Variants in TMC4 observed in about 807,000 individuals in gnomAD.
TMC4 encodes the protein transmembrane channel like 4.
Under a neutral mutation model 82.0 loss-of-function variants are expected in TMC4, and 70 were observed. The observed-to-expected ratio is 0.85, with a 90% CI of 0.70 to 1.04. TMC4 has a LOEUF of 1.04. TMC4 is among the 50% of genes least tolerant of loss of function. The pLI, the probability that TMC4 is intolerant of heterozygous loss-of-function variation, is 0.00. For missense variants in TMC4, 879 were observed against 899.0 expected, an observed-to-expected ratio of 0.98 and a Z score of 0.28; for synonymous variants, 446 against 406.0, an observed-to-expected ratio of 1.10 and a Z score of -1.18.
intron 9 of TMC4, 63 bp from the exon 10 acceptor site, chr19:54,162,833 C>A: frequency 6.5e-7 from 1 of 1,536,136 alleles, no homozygotes; most frequent in Non-Finnish European, 9.0e-7. Context: ...GCCCACGCGT[C>A]CGAGTCTCCA....
chr19:54,172,626 C>T, intron 1 of TMC4: 1 of 285,616 alleles, frequency 3.5e-6, no homozygotes, highest in Non-Finnish European at 6.4e-6. Flanking sequence ...CTCCCTCAGG[C>T]CCAGGAGTCC....
chr19:54,168,433 G>A lies in TMC4; in HGVS notation c.675+15C>T. 2.0e-6 allele frequency: 3 copies of A among 1,533,694 alleles called. No individual in the cohort carries two copies. Among genetic ancestry groups the A allele is most frequent in the Non-Finnish European group, 2.6e-6 (3 of 1,138,234 alleles). ...ACAGGTGGGCGGGGAATCCCCCAGG[G>A]ACCCAGGCACCTACCTCACCCGAGA... On this transcript the variant is annotated intron_variant, in intron 4 of 14. Transcript: ENST00000619895.
In TMC4 at chr19:54,163,166, G is replaced by A; in HGVS notation, c.1278-7C>T. 3 of 1,613,692 alleles carry A rather than the reference G, an allele frequency of 1.9e-6. No individual in the cohort carries two copies. Among genetic ancestry groups the A allele is most frequent in the East Asian group, 2.2e-5 (1 of 44,820 alleles). Reference sequence around the variant, plus strand: ...GAGGCGAAGAAACACGGTCCTGAAGGGGGGAAGGCAGAGAATGGGCCCTGA... The same window carrying A: ...GAGGCGAAGAAACACGGTCCTGAAGAGGGGAAGGCAGAGAATGGGCCCTGA... On this transcript the variant is annotated splice_region_variant and splice_polypyrimidine_tract_variant and intron_variant, in intron 8 of 14. Transcript: ENST00000619895.
At chr19:54,172,105 G>T in intron 1 of TMC4, 22 bp from the exon 2 acceptor site, 1 of 1,514,808 alleles carries the variant, frequency 6.6e-7, no homozygotes, top group Non-Finnish European at 8.9e-7. Flanking sequence ...CAGGGGGCTG[G>T]GAAGACCCGG....
intron 7 of TMC4, 82 bp from the exon 8 acceptor site, chr19:54,163,969 TTCTTCTTC>T: frequency 1.5e-6 from 2 of 1,360,870 alleles, no homozygotes; most frequent in African/African-American, 2.1e-5. Flanking sequence ...CCTCTTCTTC[TTCTTCTTC>T]TTTTTTTTTT....
At chr19:54,167,936 G>C (rs7248069) in intron 5 of TMC4, among the ~76,000 whole-genome samples, 39,546 of 151,668 alleles carry the variant, frequency 0.26, 5,956 homozygotes, top group Non-Finnish European at 0.34. Context: ...GGTGGCGGGC[G>C]CCTGTAATCC....
chr19:54,164,376 A>G, intron 7 of TMC4, 58 bp downstream of exon 7: 1 of 1,545,728 alleles, frequency 6.5e-7, no homozygotes, highest in East Asian at 2.3e-5. Context: ...CCCTCCCTCC[A>G]CCGTTGGAAA....
At chr19:54,161,435 C>A (rs2075552280) in intron 11 of TMC4, among the ~76,000 whole-genome samples, 175 bp from the exon 12 acceptor site, 1 of 149,330 alleles carries the variant, frequency 6.7e-6, no homozygotes, top group Non-Finnish European at 1.5e-5. Context: ...CTGCAGCCTC[C>A]CCTCCCGGGT....
rs781932336 is a variant in TMC4 at position 54,160,354 on chromosome 19, G to A, written c.2073C>T (p.Phe691=). 20 of 1,529,376 alleles carry A rather than the reference G, an allele frequency of 1.3e-5. No individual in the cohort carries two copies. Among genetic ancestry groups the A allele is most frequent in the Middle Eastern group, 1.9e-4 (1 of 5,338 alleles). 94.7% of individuals were successfully genotyped at this position (1,529,376 alleles called of 1,614,324 possible). ...TCAGCGCCACAGCGCGCCGTGCCAG[G>A]AAGACTTTATTCTGCGCCTCCTGGG... ...QRETEAQNKV[F]LARRAVALTS... The change falls in exon 15 of 15, where the codon TTC becomes TTT. Residue 691 remains phenylalanine (F), a synonymous_variant. Transcript: ENST00000619895.
rs1204865813 is a variant in TMC4, at chr19:54,168,827, CT to C, written c.443-148del. 2 of 54,848 alleles carry C rather than the reference CT, an allele frequency of 3.6e-5. 1 individual carries two copies. Among genetic ancestry groups the C allele is most frequent in the African/African-American group, 5.4e-4 (2 of 3,726 alleles). 3.4% of individuals were successfully genotyped at this position (54,848 alleles called of 1,614,324 possible). A position where few individuals can be genotyped will look rare whatever the true frequency, so the allele number is the denominator to read the frequency against. ...CTTTTCTTTTCTTTTCTTTTCTTTT[CT>C]TTTCTTTTCTTTTCTTTTCTTTTCT... On this transcript the variant is annotated intron_variant, in intron 3 of 14. Transcript: ENST00000619895.
At chr19:54,172,967 T>G in intron 1 of TMC4, 72 bp downstream of exon 1, 3 of 1,395,616 alleles carry the variant, frequency 2.1e-6, no homozygotes, top group Non-Finnish European at 3.0e-6. Context: ...AGGCCTCCCC[T>G]TTCCTCCTCC....
chr19:54,169,323 C>A (rs1244283368), intron 3 of TMC4, among the ~76,000 whole-genome samples, 189 bp downstream of exon 3: 1 of 151,930 alleles, frequency 6.6e-6, no homozygotes, highest in Non-Finnish European at 1.5e-5. Context: ...GCGTGAGCCA[C>A]CGCGCCAGGC....
intron 4 of TMC4, 69 bp from the exon 5 acceptor site, chr19:54,168,361 G>T: frequency 1.3e-6 from 2 of 1,529,110 alleles, no homozygotes; most frequent in Non-Finnish European, 1.8e-6. Flanking sequence ...CACAGTCAGG[G>T]TCTGGGGTCA....
Position 54,161,040 on chromosome 19 carries a change from T to G in TMC4, c.1818-7A>C. On this transcript the variant is annotated splice_polypyrimidine_tract_variant and splice_region_variant and intron_variant, in intron 12 of 14. Coordinates refer to ENST00000619895, the MANE Select transcript of TMC4 (RefSeq NM_144686.4). ...CAGCTTAGAAGGCGGGATCCTGAAG[T>G]CAAGACAGGCTGGGCTCACATAGTG... 1 of 1,613,916 alleles carries G rather than the reference T, an allele frequency of 6.2e-7. No homozygotes were observed. Among genetic ancestry groups the G allele is most frequent in the Non-Finnish European group, 8.5e-7 (1 of 1,179,950 alleles).
At position 54,171,970 on chromosome 19, in the gene TMC4, T is replaced by C; in HGVS notation, c.193A>G (p.Arg65Gly). The stretch of plus-strand genomic sequence containing the variant: ...ACTTCTGTGAAGGCCTTTCTGCTCC[T>C]TCCTCCATCCTCCTCCTCCTCCTCC... ...ALEEEEEDGG[R>G]SRKAFTEVTQ... is the part of the protein sequence containing the mutation. The change falls in exon 2 of 15, where the codon AGG becomes GGG. Residue 65 changes from arginine to glycine, a missense_variant. By Grantham distance (125) the Arg-to-Gly change is moderately radical. Transcript: ENST00000619895. 1 of 1,613,676 alleles carries C rather than the reference T, an allele frequency of 6.2e-7. No individual in the cohort carries two copies. Among genetic ancestry groups the C allele is most frequent in the South Asian group, 1.1e-5 (1 of 91,046 alleles).
At position 54,162,303 on chromosome 19, in the gene TMC4, G is replaced by T; in HGVS notation, c.1503-18C>A. 1 of 1,507,198 alleles carries T rather than the reference G, an allele frequency of 6.6e-7. No individual in the cohort carries two copies. 93.4% of individuals were successfully genotyped at this position (1,507,198 alleles called of 1,614,324 possible). A position where few individuals can be genotyped will look rare whatever the true frequency, so the allele number is the denominator to read the frequency against. ...AGAGGAGCCTGAAGGACGGGGCGGG[G>T]CCGGGCCGGAGTCAGGGGAGTGGCG... On this transcript the variant is annotated intron_variant, in intron 10 of 14. Transcript: ENST00000619895.
At chr19:54,163,007 C>A (rs771562395) in intron 9 of TMC4, 26 bp downstream of exon 9, 1 of 1,614,134 alleles carries the variant, frequency 6.2e-7, no homozygotes, top group East Asian at 2.2e-5. Context: ...ACCCAAGAGT[C>A]CCACGCACAC....
intron 9 of TMC4, 103 bp downstream of exon 9, chr19:54,162,930 A>G: frequency 6.3e-7 from 1 of 1,581,788 alleles, no homozygotes; most frequent in Non-Finnish European, 8.7e-7. Context: ...GTGTTCCAGC[A>G]CCCCAAGCTC....
Position 54,161,267 on chromosome 19 carries a change from G to T in TMC4, c.1687-7C>A, listed in dbSNP as rs1410199014. On this transcript the variant is annotated splice_polypyrimidine_tract_variant and splice_region_variant and intron_variant, in intron 11 of 14. Transcript: ENST00000619895. ...AGGTGGAGAAGAGGGTAAGCTGGTG[G>T]GGGAAGGCACGGAGAAAAGGGCTCT... 6.6e-7 allele frequency: 1 copy of T among 1,517,912 alleles called. No individual in the cohort carries two copies. Among genetic ancestry groups the T allele is most frequent in the African/African-American group, 1.4e-5 (1 of 71,494 alleles). 94.0% of individuals were successfully genotyped at this position (1,517,912 alleles called of 1,614,324 possible).
Sources: allele counts gnomAD v4.1 joint callset (sites outside exome capture counted in the v4.1 genomes callset), GRCh38; gene constraint gnomAD v4.1.1; transcripts MANE v1.5; gene names NCBI Gene and HGNC (gene_info 2026-07-23, HGNC 2026-07-21).